The following KANSL3 variants were observed in gnomAD, a reference collection of about 807,000 sequenced individuals.
KANSL3 encodes KAT8 regulatory NSL complex subunit 3, also known as NSL complex protein NSL3.
In KANSL3, 16 loss-of-function variants were observed where a neutral mutation model predicts 89.2. The observed-to-expected ratio is 0.18, with a 90% CI of 0.12 to 0.27. The LOEUF (loss-of-function observed/expected upper bound fraction) is 0.27, where lower values mean the gene tolerates loss of function less well. Ranked by LOEUF, KANSL3 falls within the 10% of genes least tolerant of loss-of-function variation. The pLI, the probability that KANSL3 is intolerant of heterozygous loss-of-function variation, is 1.00. For missense variants in KANSL3, 879 were observed against 1,110.6 expected (o/e 0.79, Z 2.96); for synonymous variants, 385 against 419.7 (o/e 0.92, Z 1.01).
rs1441528963 is a variant in KANSL3, at chr2:96,615,574, A to G, written c.664-1955T>C. ...GGGAAAGGAAAAATGTTTAAATATT[A>G]GAGGCAGTTTTCAGAGAAAGAAAAA... On this transcript the variant is annotated intron_variant, in intron 5 of 20. Coordinates refer to ENST00000431828, the MANE Select transcript of KANSL3 (RefSeq NM_001115016.3). The G allele has an allele frequency of 3.3e-6, 4 of 1,200,072 alleles. No homozygotes were observed. The East Asian group carries it at 2.3e-4, about 68-fold the overall frequency. The allele number at this position is 1,200,072 out of a possible 1,614,324, so 74.3% of individuals were successfully genotyped here.
intron 14 of KANSL3, chr2:96,606,778 A>T: frequency 3.3e-6 from 1 of 305,586 alleles, no homozygotes; most frequent in East Asian, 1.0e-4. Context: ...AGAAGCAAAC[A>T]AAAGAATGGA....
At chr2:96,601,099 C>G (rs1341882887) in intron 20 of KANSL3, among the ~76,000 whole-genome samples, 1 of 152,038 alleles carries the variant, frequency 6.6e-6, no homozygotes, top group Non-Finnish European at 1.5e-5. Context: ...CCAGCCTGGT[C>G]AACACAGTGA....
chr2:96,607,930 C>CA, intron 14 of KANSL3, among the ~76,000 whole-genome samples: 1 of 152,254 alleles, frequency 6.6e-6, no homozygotes, highest in East Asian at 1.9e-4. Context: ...GGGACAGAAC[C>CA]ACTGTTTCTT....
At chr2:96,599,943 G>A (rs1265533084) in intron 20 of KANSL3, among the ~76,000 whole-genome samples, 1 of 152,172 alleles carries the variant, frequency 6.6e-6, no homozygotes, top group Non-Finnish European at 1.5e-5. Flanking sequence ...GATATTAGAG[G>A]TACACATCCT....
In KANSL3 at chr2:96,595,405, G is replaced by T; in HGVS notation, c.*206C>A. 3.7e-6 allele frequency: 2 copies of T among 541,138 alleles called. No homozygotes were observed. Among genetic ancestry groups the T allele is most frequent in the Admixed American group, 3.3e-5 (1 of 30,024 alleles). 33.5% of individuals were successfully genotyped at this position (541,138 alleles called of 1,614,324 possible). Reference sequence around the variant, plus strand: ...GGGGTTCCCAGGAACCAGATTTGCAGATCCTGGACGATGGTGCTTCCCTTG... The same window carrying T: ...GGGGTTCCCAGGAACCAGATTTGCATATCCTGGACGATGGTGCTTCCCTTG... On this transcript the variant is annotated 3_prime_UTR_variant, in exon 21 of 21. Coordinates refer to ENST00000431828, the MANE Select transcript of KANSL3 (RefSeq NM_001115016.3).
At chr2:96,624,591 G>A (rs1329125551) in intron 3 of KANSL3, among the ~76,000 whole-genome samples, 4 of 152,030 alleles carry the variant, frequency 2.6e-5, no homozygotes, top group African/African-American at 4.8e-5. Flanking sequence ...GCGTGATCTC[G>A]GCTCACTGTA....
At chr2:96,631,561 T>C in intron 2 of KANSL3, 79 bp from the exon 3 acceptor site, 1 of 1,492,938 alleles carries the variant, frequency 6.7e-7, no homozygotes, top group Non-Finnish European at 9.1e-7. Flanking sequence ...ACAAAAAATG[T>C]ATCTTTAATA....
chr2:96,623,257 C>T (rs866755809), intron 3 of KANSL3, among the ~76,000 whole-genome samples: 14 of 152,150 alleles, frequency 9.2e-5, no homozygotes, highest in African/African-American at 3.4e-4. Flanking sequence ...CATATTAATG[C>T]GGAGGAGCAA....
Position 96,628,938 on chromosome 2 carries a change from T to C in KANSL3, c.386+2374A>G, listed in dbSNP as rs540900114. ...CTGCCCTTAATTAAGGCAGAGGGTA[T>C]GGTAGTTGAGAACACTGGGTTCTGG... On this transcript the variant is annotated intron_variant, in intron 3 of 20. Transcript: ENST00000431828. Among the ~76,000 whole-genome samples the C allele has an allele frequency of 5.9e-5, 9 of 152,298 alleles. No individual in the cohort carries two copies. In the East Asian group the frequency reaches 1.2e-3, roughly 20 times the overall value.
At chr2:96,607,608 A>G (rs2068199070) in intron 14 of KANSL3, among the ~76,000 whole-genome samples, 1 of 152,166 alleles carries the variant, frequency 6.6e-6, no homozygotes, top group South Asian at 2.1e-4. Context: ...GCCTGGCCTC[A>G]TTTCTCAACT....
Position 96,631,384 on chromosome 2 carries a change from C to T in KANSL3, c.314G>A (p.Arg105Gln), listed in dbSNP as rs1482820963. The change falls in exon 3 of 21, where the codon CGG (arginine) becomes CAG (glutamine). Residue 105 changes from arginine to glutamine, a missense_variant. Physicochemically the swap from Arg to Gln is conservative, Grantham distance 43. Around this residue, in one of 6 missense-constraint regions of KANSL3, gnomAD observed 210 missense variants for 311.9 expected, o/e 0.67. Transcript: ENST00000431828. ...ATCAGTCCTGGCAAAGATGACATGC[C>T]GTTCACACTCATTCATCACGCTGCG... Reference protein sequence around the residue: ...KARSVMNECERHVIFARTDAD... With the variant: ...KARSVMNECEQHVIFARTDAD... 1.2e-6 allele frequency: 2 copies of T among 1,611,026 alleles called. No individual in the cohort carries two copies. The highest frequency in any genetic ancestry group is 1.7e-6 in the Non-Finnish European group (2 of 1,178,712).
At chr2:96,606,709 G>C (rs1033835308) in intron 14 of KANSL3, 3 of 260,704 alleles carry the variant, frequency 1.2e-5, no homozygotes, top group African/African-American at 7.0e-5. Flanking sequence ...AAAAGCAGCA[G>C]AGCCAAGACC....
At chr2:96,601,830 T>G in intron 19 of KANSL3, 54 bp from the exon 20 acceptor site, 1 of 1,501,734 alleles carries the variant, frequency 6.7e-7, no homozygotes, top group East Asian at 2.3e-5. Context: ...CACCTTCTAC[T>G]GAGGCTTTCC....
chr2:96,610,716 A>T lies in KANSL3; in HGVS notation c.1319+10T>A. 2 of 1,613,484 alleles carry T rather than the reference A, an allele frequency of 1.2e-6. No individual in the cohort carries two copies. Among genetic ancestry groups the T allele is most frequent in the Non-Finnish European group, 1.7e-6 (2 of 1,179,722 alleles). On this transcript the variant is annotated intron_variant, in intron 11 of 20. Coordinates refer to ENST00000431828, the MANE Select transcript of KANSL3 (RefSeq NM_001115016.3). ...ACAGCTCTCTTGCAGCTCTGGGAGA[A>T]TCCACCCACCTGAGATTGTCATCAG...
chr2:96,602,448 T>C, intron 18 of KANSL3, 110 bp from the exon 19 acceptor site: 1 of 778,092 alleles, frequency 1.3e-6, no homozygotes, highest in Non-Finnish European at 2.1e-6. Flanking sequence ...GAGTGCCTAC[T>C]ACATGCAAGG....
At position 96,609,898 on chromosome 2, in the gene KANSL3, CTGAGAT is replaced by C. The variant is rs113434451; in HGVS notation, c.1320-342_1320-337del. Among the ~76,000 whole-genome samples the C allele has an allele frequency of 1.4e-4, 17 of 122,044 alleles. 1 individual carries two copies. The highest frequency in any genetic ancestry group is 5.4e-4 in the African/African-American group (17 of 31,668). The allele number at this position is 122,044 out of a possible 152,430, so 80.1% of individuals were successfully genotyped here. On this transcript the variant is annotated intron_variant, in intron 11 of 20. Coordinates refer to ENST00000431828, the MANE Select transcript of KANSL3 (RefSeq NM_001115016.3). ...CTCAGGAGGCGGAGGTTGCAGTGAG[CTGAGAT>C]TGCACCACTGCAGTCCAGCATAGGC... is the stretch of plus-strand genomic sequence containing the variant.
intron 5 of KANSL3, among the ~76,000 whole-genome samples, 195 bp from the exon 6 acceptor site, chr2:96,613,814 T>G (rs890212955): frequency 6.6e-6 from 1 of 151,450 alleles, no homozygotes; most frequent in Non-Finnish European, 1.5e-5. Context: ...AAAGTGAATG[T>G]GTACAATCCT....
chr2:96,596,586 T>G (rs1408544700), intron 20 of KANSL3, among the ~76,000 whole-genome samples: 1 of 152,194 alleles, frequency 6.6e-6, no homozygotes, highest in African/African-American at 2.4e-5. Context: ...GTGGGAAGAC[T>G]GCTGGAGCCC....
At position 96,637,038 on chromosome 2, in the gene KANSL3, T is replaced by C; in HGVS notation, c.98A>G (p.Asp33Gly). 7.7e-6 allele frequency: 12 copies of C among 1,551,572 alleles called. No homozygotes were observed. The highest frequency in any genetic ancestry group is 1.0e-5 in the Non-Finnish European group (12 of 1,146,968). ...FQLSVHEREL[D>G]LVFLDHSYAK... ...ATAGCTATGATCCAGAAAAACCAGGTCCAGCTCCCGTTCATGCACTGAAAG... is the reference window on the plus strand; with the variant it reads ...ATAGCTATGATCCAGAAAAACCAGGCCCAGCTCCCGTTCATGCACTGAAAG... The change falls in exon 2 of 21, where the codon GAC becomes GGC. Residue 33 changes from aspartate to glycine, a missense_variant. Coordinates refer to ENST00000431828, the MANE Select transcript of KANSL3 (RefSeq NM_001115016.3).
Sources: gnomAD v4.1 joint callset for allele counts (sites outside exome capture counted in the v4.1 genomes callset) on GRCh38, gnomAD v4.1.1 for gene constraint, gnomAD v4.1.1 regional missense constraint, MANE v1.5 for transcripts, NCBI Gene and HGNC (gene_info 2026-07-23, HGNC 2026-07-21) for gene names.